TGIF1: variants seen among roughly 807,000 people sequenced by gnomAD.
TGIF1 encodes TGFB induced factor homeobox 1.
In TGIF1, 4 loss-of-function variants were observed where a neutral mutation model predicts 19.3. The observed-to-expected ratio is 0.21, with a 90% CI of 0.10 to 0.47. The LOEUF (loss-of-function observed/expected upper bound fraction) is 0.47. TGIF1 is among the 20% of genes least tolerant of loss of function. The pLI, the probability that TGIF1 is intolerant of heterozygous loss-of-function variation, is 0.98. For synonymous variants in TGIF1, 122 were observed against 129.3 expected (o/e 0.94, Z 0.38); for missense variants, 275 against 341.4 (o/e 0.81, Z 1.53).
chr18:3,457,259 T>C lies in TGIF1; in HGVS notation c.244-106T>C, dbSNP rs114478561. The C allele has an allele frequency of 7.3e-6, 9 of 1,227,712 alleles. No homozygotes were observed. The highest frequency in any genetic ancestry group is 1.1e-5 in the Non-Finnish European group (9 of 856,950). The allele number at this position is 1,227,712 out of a possible 1,614,324, so 76.1% of individuals were successfully genotyped here. A position where few individuals can be genotyped will look rare whatever the true frequency, so the allele number is the denominator to read the frequency against. ...AATTCAGATAAGGCTTTTCATGCTT[T>C]CTTTAATTCAGAGAGCAAGATCAAT... On this transcript the variant is annotated intron_variant, in intron 2 of 2. Transcript: ENST00000343820. The surrounding 1 kb of genome is among the most constrained non-coding windows in gnomAD (Gnocchi z 4.9).
intron 2 of TGIF1, among the ~76,000 whole-genome samples, chr18:3,442,285 G>GT (rs5822760): frequency 0.6 from 91,873 of 151,986 alleles, 29,656 homozygotes; most frequent in East Asian, 0.9. Context: ...TTGGGAAGAA[G>GT]TAACTGTGAT....
In TGIF1 at chr18:3,444,369, A is replaced by C. The variant is rs115225235; in HGVS notation, c.-44-11985A>C. Among the ~76,000 whole-genome samples the C allele has an allele frequency of 1.2e-3, 184 of 152,006 alleles. 1 individual carries two copies. Among genetic ancestry groups the C allele is most frequent in the African/African-American group, 4.4e-3 (181 of 41,492 alleles). ...CATGTGAAGGTTTCTTAAATAAGAA[A>C]ACATGTCACAGGGTTTGTTGTACAT... is the stretch of plus-strand genomic sequence containing the variant. On this transcript the variant is annotated intron_variant, in intron 2 of 3. Coordinates refer to the TGIF1 transcript ENST00000401449.
At chr18:3,449,698 C>A, upstream of TGIF1, 1 of 985,476 alleles carries the variant, frequency 1.0e-6, no homozygotes, top group Non-Finnish European at 1.2e-6. Flanking sequence ...GTGCCCCGCC[C>A]CTTGAATCAG....
At position 3,457,674 on chromosome 18, in the gene TGIF1, C is replaced by T; in HGVS notation, c.553C>T (p.Pro185Ser). Residue 185 changes from proline to serine, a missense_variant, in exon 3 of 3, where the codon CCT becomes TCT. Coordinates refer to ENST00000343820, the MANE Select transcript of TGIF1 (RefSeq NM_003244.4). This position sits in a 1 kb window ranked among gnomAD's most constrained non-coding sequence, Gnocchi z 4.9. ...CACTGTGACTGCATTGAAAGATGTC[C>T]CTTTCTCTCTCTGCCAGTCGGTCGG... ...HTTVTALKDV[P>S]FSLCQSVGVG... 6.2e-7 allele frequency: 1 copy of T among 1,614,186 alleles called. No homozygotes were observed. The highest frequency in any genetic ancestry group is 8.5e-7 in the Non-Finnish European group (1 of 1,180,042).
intron 1 of TGIF1, chr18:3,415,456 A>T (rs1019172589): frequency 4.0e-6 from 2 of 494,688 alleles, no homozygotes; most frequent in African/African-American, 2.0e-5. Flanking sequence ...ATTAAACCAC[A>T]TCCTCAGGCC....
intron 2 of TGIF1, among the ~76,000 whole-genome samples, chr18:3,429,940 C>T (rs1190957283): frequency 2.6e-5 from 4 of 152,158 alleles, no homozygotes; most frequent in Non-Finnish European, 4.4e-5. Flanking sequence ...GGATCACCTG[C>T]GGTCAGGAGT....
chr18:3,413,174 C>G (rs2082291865), intron 1 of TGIF1: 1 of 152,130 alleles, frequency 6.6e-6, no homozygotes, highest in Admixed American at 6.5e-5. Context: ...CTCATTGTCT[C>G]GCTAGCATTC....
intron 2 of TGIF1, among the ~76,000 whole-genome samples, chr18:3,427,373 C>T (rs1316135975): frequency 2.6e-5 from 4 of 151,994 alleles, no homozygotes; most frequent in Non-Finnish European, 5.9e-5. Flanking sequence ...GACACTGCAA[C>T]CTCCACCCCA....
rs548703339 is a variant in TGIF1, at chr18:3,413,959, A to G, written c.-118+1705A>G. Among the ~76,000 whole-genome samples the G allele has an allele frequency of 2.0e-5, 3 of 152,340 alleles. No individual in the cohort carries two copies. The East Asian group carries it at 5.8e-4, about 29-fold the overall frequency. ...ATTTTCTCAGCAAATCTTCACAATA[A>G]TCCTATAAATTAATTATAGTTATTA... On this transcript the variant is annotated intron_variant, in intron 1 of 3. Transcript: ENST00000401449.
intron 2 of TGIF1, among the ~76,000 whole-genome samples, chr18:3,433,472 G>A (rs2082577129): frequency 6.6e-6 from 1 of 152,222 alleles, no homozygotes; most frequent in Non-Finnish European, 1.5e-5. Context: ...GCCGAAGGTT[G>A]AAGACACTAT....
chr18:3,452,437 G>A, intron 1 of TGIF1: 1 of 1,610,268 alleles, frequency 6.2e-7, no homozygotes, highest in Admixed American at 1.7e-5. Context: ...TGGGGGAGCC[G>A]AGGCTGCCGA....
At position 3,450,233 on chromosome 18, in the gene TGIF1, GGA is replaced by G; in HGVS notation, c.-251_-250del. On this transcript the variant is annotated 5_prime_UTR_variant, in exon 1 of 3. Transcript: ENST00000343820. The stretch of plus-strand genomic sequence containing the variant: ...GGAACAAAGGAGCGGAGAGGGGAGG[GGA>G]GAGAGTTGGGCGAGGGAGAGCCCCC... 1 of 1,421,260 alleles carries G rather than the reference GGA, an allele frequency of 7.0e-7. No individual in the cohort carries two copies. Among genetic ancestry groups the G allele is most frequent in the Non-Finnish European group, 9.2e-7 (1 of 1,091,896 alleles). 88.0% of individuals were successfully genotyped at this position (1,421,260 alleles called of 1,614,324 possible). A position where few individuals can be genotyped will look rare whatever the true frequency, so the allele number is the denominator to read the frequency against.
In TGIF1 at chr18:3,458,074, GATGTCTTCA is replaced by G; in HGVS notation, c.*138_*146del. Reference sequence around the variant, plus strand: ...TGCTAAAACAGCTTCCTGTTACTGAGATGTCTTCAATGGAATACAGTCATTCCAAGAACT... The same window carrying G: ...TGCTAAAACAGCTTCCTGTTACTGAGATGGAATACAGTCATTCCAAGAACT... On this transcript the variant is annotated 3_prime_UTR_variant, in exon 3 of 3. Transcript: ENST00000343820. The G allele has an allele frequency of 1.3e-6, 1 of 773,262 alleles. No individual in the cohort carries two copies. The highest frequency in any genetic ancestry group is 1.7e-5 in the South Asian group (1 of 60,312). The allele number at this position is 773,262 out of a possible 1,614,324, so 47.9% of individuals were successfully genotyped here.
chr18:3,449,746 A>G, upstream of TGIF1: 1 of 985,488 alleles, frequency 1.0e-6, no homozygotes, highest in Non-Finnish European at 1.2e-6. Context: ...GGGCCAGTAG[A>G]GTTCGGGGCA....
At chr18:3,415,543 G>A (rs12962570) in intron 1 of TGIF1, 16,728 of 408,888 alleles carry the variant, frequency 0.041, 430 homozygotes, top group African/African-American at 0.073. Context: ...TTTAGAGCCC[G>A]CAGACCAGGA....
chr18:3,452,073 G>A, intron 1 of TGIF1: 1 of 1,613,822 alleles, frequency 6.2e-7, no homozygotes, highest in Non-Finnish European at 8.5e-7. Flanking sequence ...TCCATGGCCC[G>A]CCTCCCACCC....
At position 3,433,454 on chromosome 18, in the gene TGIF1, A is replaced by G. The variant is rs1236686693; in HGVS notation, c.-45+15239A>G. ...AAGTAATACAATTCTGATATATTCT[A>G]TAACATGGCCGAAGGTTGAAGACAC... On this transcript the variant is annotated intron_variant, in intron 2 of 3. Coordinates refer to the TGIF1 transcript ENST00000401449. Among the ~76,000 whole-genome samples the G allele has an allele frequency of 2.6e-5, 4 of 152,258 alleles. No individual in the cohort carries two copies. The East Asian group carries it at 7.7e-4, about 29-fold the overall frequency.
chr18:3,449,542 C>T, upstream of TGIF1: 1 of 983,310 alleles, frequency 1.0e-6, no homozygotes, highest in East Asian at 1.1e-4. Context: ...CATCATTCCC[C>T]CCCGCCCCAC....
At chr18:3,443,562 T>C (rs547708610) in intron 2 of TGIF1, among the ~76,000 whole-genome samples, 1 of 152,240 alleles carries the variant, frequency 6.6e-6, no homozygotes, top group Non-Finnish European at 1.5e-5. Flanking sequence ...GCCAATATAA[T>C]ATGAAAATAA....
Sources: gnomAD v4.1 joint callset for allele counts (sites outside exome capture counted in the v4.1 genomes callset) on GRCh38, gnomAD v4.1.1 for gene constraint, Gnocchi (gnomAD v3.1) non-coding constraint, MANE v1.5 for transcripts, NCBI Gene and HGNC (gene_info 2026-07-23, HGNC 2026-07-21) for gene names.